DNER: variants seen among roughly 807,000 people sequenced by gnomAD.
The protein encoded by DNER is delta and Notch-like epidermal growth factor-related receptor.
In DNER, 33 loss-of-function variants were observed where a neutral mutation model predicts 78.2. The ratio of observed to expected loss-of-function variants is 0.42; its 90% CI spans 0.32 to 0.56. DNER has a LOEUF of 0.56. Among genes scored for constraint, DNER ranks in the 20% least tolerant of loss-of-function variants. DNER has a pLI of 0.11. For missense variants in DNER, 918 were observed against 975.3 expected, an observed-to-expected ratio of 0.94 and a Z score of 0.78; for synonymous variants, 417 against 384.8, an observed-to-expected ratio of 1.08 and a Z score of -0.98.
chr2:229,393,999 T>G (rs543040214), intron 10 of DNER, among the ~76,000 whole-genome samples: 1 of 152,038 alleles, frequency 6.6e-6, no homozygotes, highest in African/African-American at 2.4e-5. Context: ...GGCTAAAAAT[T>G]TCCAAGTTTG....
At chr2:229,578,967 G>A (rs1248559490) in intron 4 of DNER, among the ~76,000 whole-genome samples, 2 of 152,160 alleles carry the variant, frequency 1.3e-5, no homozygotes, top group African/African-American at 2.4e-5. Flanking sequence ...ATATAAATGT[G>A]TTCATATCCA....
chr2:229,466,536 C>A (rs13385992), intron 7 of DNER, among the ~76,000 whole-genome samples: 2 of 151,668 alleles, frequency 1.3e-5, no homozygotes, highest in Non-Finnish European at 2.9e-5. Context: ...CCCAGAGGAG[C>A]CCTGTCACAC....
chr2:229,517,863 C>G (rs1180661938), intron 5 of DNER, among the ~76,000 whole-genome samples: 1 of 152,166 alleles, frequency 6.6e-6, no homozygotes, highest in African/African-American at 2.4e-5. Flanking sequence ...GTCAGTGGTG[C>G]TGAGCTTGAG....
intron 1 of DNER, among the ~76,000 whole-genome samples, chr2:229,596,978 C>A (rs142335944): frequency 1.3e-4 from 19 of 151,806 alleles, no homozygotes; most frequent in African/African-American, 4.6e-4. Context: ...CACACACCTG[C>A]GCACACACAT....
intron 6 of DNER, among the ~76,000 whole-genome samples, chr2:229,478,923 G>A (rs1695094459): frequency 6.6e-6 from 1 of 151,920 alleles, no homozygotes; most frequent in Non-Finnish European, 1.5e-5. Flanking sequence ...TAGGTATTAA[G>A]CCCAGCATTC....
intron 6 of DNER, among the ~76,000 whole-genome samples, chr2:229,483,625 C>T (rs531932881): frequency 6.6e-6 from 1 of 152,300 alleles, no homozygotes; most frequent in East Asian, 1.9e-4. Flanking sequence ...CAAGGGAACG[C>T]ATACAAAAGA....
chr2:229,383,927 A>ACCTAATAGACATCT lies in DNER; in HGVS notation c.1855+4337_1855+4338insAGATGTCTATTAGG, dbSNP rs1440890872. Among the ~76,000 whole-genome samples the ACCTAATAGACATCT allele has an allele frequency of 6.6e-5, 10 of 152,260 alleles. No individual in the cohort carries two copies. In the East Asian group the frequency reaches 1.9e-3, roughly 29 times the overall value. Reference sequence around the variant, plus strand: ...AAGCAGACCTAATAGACATCTACAGAACTCTCCACTCCAAATCAGCAGAAT... The same window carrying ACCTAATAGACATCT: ...AAGCAGACCTAATAGACATCTACAGACCTAATAGACATCTACTCTCCACTCCAAATCAGCAGAAT... On this transcript the variant is annotated intron_variant, in intron 11 of 12. Transcript: ENST00000341772.
intron 8 of DNER, among the ~76,000 whole-genome samples, chr2:229,419,067 G>C (rs1184893186): frequency 6.6e-6 from 1 of 152,038 alleles, no homozygotes; most frequent in East Asian, 1.9e-4. Context: ...TGTTGTTATT[G>C]CTTGTTTAAA....
Position 229,357,764 on chromosome 2 carries a change from A to G in DNER, c.*776T>C, listed in dbSNP as rs936588297. Reference sequence around the variant, plus strand: ...CACTATGAGAAATACTCACTACTGAAGGAACCAGTACTCTCTTACATTTAC... The same window carrying G: ...CACTATGAGAAATACTCACTACTGAGGGAACCAGTACTCTCTTACATTTAC... On this transcript the variant is annotated 3_prime_UTR_variant, in exon 13 of 13. Transcript: ENST00000341772. 1 of 152,226 alleles carries G rather than the reference A, an allele frequency of 6.6e-6. No individual in the cohort carries two copies. The highest frequency in any genetic ancestry group is 1.5e-5 in the Non-Finnish European group (1 of 68,048). 9.4% of individuals were successfully genotyped at this position (152,226 alleles called of 1,614,324 possible). A position where few individuals can be genotyped will look rare whatever the true frequency, so the allele number is the denominator to read the frequency against.
chr2:229,522,519 G>T (rs1696119871), intron 5 of DNER, among the ~76,000 whole-genome samples: 1 of 152,114 alleles, frequency 6.6e-6, no homozygotes. Flanking sequence ...CCTGAAAAAA[G>T]AGCCTGTTCC....
intron 1 of DNER, among the ~76,000 whole-genome samples, chr2:229,710,983 G>GCGCA (rs1553555262): frequency 0.032 from 4,445 of 139,790 alleles, 159 homozygotes; most frequent in African/African-American, 0.089. Flanking sequence ...GCATACACGC[G>GCGCA]CACACACACA....
At chr2:229,628,660 C>T (rs1698385679) in intron 1 of DNER, among the ~76,000 whole-genome samples, 1 of 152,166 alleles carries the variant, frequency 6.6e-6, no homozygotes, top group African/African-American at 2.4e-5. Flanking sequence ...AGGGCCAGTG[C>T]ACTGACCATG....
At chr2:229,501,790 T>A (rs1037594716) in intron 6 of DNER, among the ~76,000 whole-genome samples, 2 of 152,222 alleles carry the variant, frequency 1.3e-5, no homozygotes, top group South Asian at 4.2e-4. Context: ...GTTTCGGAGG[T>A]TAATTAATTG....
chr2:229,527,080 G>A (rs931531769), intron 5 of DNER, among the ~76,000 whole-genome samples: 2 of 152,144 alleles, frequency 1.3e-5, no homozygotes, highest in African/African-American at 2.4e-5. Flanking sequence ...TGGCCTAAGC[G>A]CCTGTCCTCT....
chr2:229,416,990 G>C (rs529265432), intron 9 of DNER, among the ~76,000 whole-genome samples: 1 of 152,292 alleles, frequency 6.6e-6, no homozygotes, highest in East Asian at 1.9e-4. Flanking sequence ...GTAATAGATA[G>C]ATAGACTCAG....
At chr2:229,590,530 A>G (rs551459128) in intron 2 of DNER, among the ~76,000 whole-genome samples, 1 of 152,280 alleles carries the variant, frequency 6.6e-6, no homozygotes, top group South Asian at 2.1e-4. Context: ...TTCATGGGTG[A>G]AATCCTAACC....
At chr2:229,467,420 T>C (rs1187304884) in intron 7 of DNER, among the ~76,000 whole-genome samples, 1 of 152,154 alleles carries the variant, frequency 6.6e-6, no homozygotes, top group African/African-American at 2.4e-5. Flanking sequence ...GATGAAGCAA[T>C]TAACAAAACA....
intron 11 of DNER, among the ~76,000 whole-genome samples, chr2:229,387,509 G>GAAAGAAAGAGAGAGAGAA (rs1553602522): frequency 1.3e-5 from 1 of 76,128 alleles, no homozygotes; most frequent in Non-Finnish European, 2.7e-5. Context: ...GAAAGAAAGA[G>GAAAGAAAGAGAGAGAGAA]AGAAAGAAAG....
chr2:229,675,128 T>C (rs184932602), intron 1 of DNER, among the ~76,000 whole-genome samples: 3 of 152,300 alleles, frequency 2.0e-5, no homozygotes, highest in East Asian at 3.9e-4. Context: ...TGATTCTAAG[T>C]TTGAAAATAC....
Sources: allele counts gnomAD v4.1 joint callset (sites outside exome capture counted in the v4.1 genomes callset), GRCh38; gene constraint gnomAD v4.1.1; transcripts MANE v1.5; gene names NCBI Gene and HGNC (gene_info 2026-07-23, HGNC 2026-07-21).